The following TNFAIP8 variants were observed in gnomAD, a reference collection of about 807,000 sequenced individuals.
TNFAIP8 encodes TNF alpha induced protein 8.
A neutral mutation model predicts 13.3 loss-of-function variants in TNFAIP8; 7 were observed. That is an observed-to-expected ratio of 0.52 (90% confidence interval 0.30 to 0.99). The LOEUF (loss-of-function observed/expected upper bound fraction) is 0.99. TNFAIP8 is among the 50% of genes least tolerant of loss of function. The pLI, the probability that TNFAIP8 is intolerant of heterozygous loss-of-function variation, is 0.07. For missense variants in TNFAIP8, 258 were observed against 236.9 expected (o/e 1.09, Z -0.58); for synonymous variants, 94 against 87.6 (o/e 1.07, Z -0.41).
intron 1 of TNFAIP8, among the ~76,000 whole-genome samples, chr5:119,296,033 C>T (rs1749164448): frequency 6.7e-6 from 1 of 149,946 alleles, no homozygotes; most frequent in Non-Finnish European, 1.5e-5. Context: ...TGGGCTGAGA[C>T]AATGGGGTTT....
intron 1 of TNFAIP8, among the ~76,000 whole-genome samples, chr5:119,350,952 T>TTGTG (rs35633858): frequency 0.31 from 45,267 of 144,580 alleles, 7,544 homozygotes; most frequent in African/African-American, 0.44. Flanking sequence ...CTATGTGTAT[T>TTGTG]TGTGTGTGTG....
chr5:119,314,091 T>C (rs1749810736), intron 1 of TNFAIP8, among the ~76,000 whole-genome samples: 1 of 152,142 alleles, frequency 6.6e-6, no homozygotes. Context: ...CCCAGCTACT[T>C]GGGTGGCTGA....
intron 1 of TNFAIP8, among the ~76,000 whole-genome samples, chr5:119,278,372 A>T (rs1041836301): frequency 3.2e-5 from 4 of 124,912 alleles, no homozygotes; most frequent in African/African-American, 1.5e-4. Flanking sequence ...AGAGAGAGAG[A>T]GAGAGTGTGT....
chr5:119,391,577 T>C, intron 1 of TNFAIP8: 1 of 553,818 alleles, frequency 1.8e-6, no homozygotes, highest in Non-Finnish European at 3.3e-6. Flanking sequence ...CTGGCCAACA[T>C]GGTGAAACCC....
intron 1 of TNFAIP8, among the ~76,000 whole-genome samples, chr5:119,388,731 T>C (rs1752775923): frequency 6.6e-6 from 1 of 152,036 alleles, no homozygotes; most frequent in Non-Finnish European, 1.5e-5. Context: ...TCTGTAGCCT[T>C]GAACTCCTGG....
At chr5:119,355,853 G>A, upstream of TNFAIP8, 5 of 1,086,482 alleles carry the variant, frequency 4.6e-6, no homozygotes, top group Non-Finnish European at 4.5e-6. Context: ...GCCCGAGCGC[G>A]CGGCTCCGGG....
At chr5:119,372,961 AAAAAT>A (rs940683567) in intron 1 of TNFAIP8, among the ~76,000 whole-genome samples, 20 of 152,226 alleles carry the variant, frequency 1.3e-4, no homozygotes, top group African/African-American at 4.8e-4. Flanking sequence ...ACTCCATCTC[AAAAAT>A]AAAATAAATA....
chr5:119,392,071 G>T (rs1004563789), intron 1 of TNFAIP8, among the ~76,000 whole-genome samples: 6 of 152,198 alleles, frequency 3.9e-5, no homozygotes, highest in African/African-American at 1.4e-4. Flanking sequence ...GTGTAAAAAT[G>T]TAAAGTGAAC....
Position 119,397,583 on chromosome 5 carries a change from A to T in TNFAIP8, c.*4202A>T, listed in dbSNP as rs1394669437. The T allele has an allele frequency of 2.6e-5, 4 of 152,208 alleles. No individual in the cohort carries two copies. In the East Asian group the frequency reaches 7.7e-4, roughly 29 times the overall value. The allele number at this position is 152,208 out of a possible 1,614,324, so 9.4% of individuals were successfully genotyped here. A position where few individuals can be genotyped will look rare whatever the true frequency, so the allele number is the denominator to read the frequency against. ...GTTTTAGTACACAGTGCTGTTTATG[A>T]CAGAAAAAATTTTATCCTACCTCTG... On this transcript the variant is annotated 3_prime_UTR_variant, in exon 2 of 2. Coordinates refer to ENST00000504771, the MANE Select transcript of TNFAIP8 (RefSeq NM_014350.4).
chr5:119,288,345 G>T (rs996507676), intron 1 of TNFAIP8, among the ~76,000 whole-genome samples: 1 of 152,116 alleles, frequency 6.6e-6, no homozygotes, highest in South Asian at 2.1e-4. Flanking sequence ...GTGAAACAAA[G>T]GTGTACCTTG....
chr5:119,324,096 G>T (rs1200190966), intron 1 of TNFAIP8, among the ~76,000 whole-genome samples: 1 of 151,434 alleles, frequency 6.6e-6, no homozygotes, highest in Non-Finnish European at 1.5e-5. Flanking sequence ...GTTCAATGAT[G>T]AAACCCCATC....
chr5:119,311,474 A>G (rs538348197), intron 1 of TNFAIP8, among the ~76,000 whole-genome samples: 15 of 151,950 alleles, frequency 9.9e-5, no homozygotes, highest in Non-Finnish European at 1.9e-4. Flanking sequence ...GGTGGATCAC[A>G]AGGTCAGGAG....
At chr5:119,322,649 G>A (rs548848684) in intron 1 of TNFAIP8, among the ~76,000 whole-genome samples, 30 of 152,194 alleles carry the variant, frequency 2.0e-4, no homozygotes, top group African/African-American at 5.8e-4. Flanking sequence ...TTTCCTCCCC[G>A]TTTTCTCTGT....
intron 1 of TNFAIP8, among the ~76,000 whole-genome samples, chr5:119,358,327 G>T (rs1438894480): frequency 6.6e-6 from 1 of 152,134 alleles, no homozygotes; most frequent in African/African-American, 2.4e-5. Flanking sequence ...TTGCATATGC[G>T]TGAATGTAGA....
chr5:119,324,250 G>A (rs1750145127), intron 1 of TNFAIP8, among the ~76,000 whole-genome samples: 1 of 117,996 alleles, frequency 8.5e-6, no homozygotes, highest in African/African-American at 3.4e-5. Flanking sequence ...ACTCCAGCCT[G>A]AGCCACAAAG....
chr5:119,272,496 C>G (rs556436885), intron 1 of TNFAIP8, among the ~76,000 whole-genome samples: 43 of 152,192 alleles, frequency 2.8e-4, no homozygotes, highest in Non-Finnish European at 4.6e-4. Context: ...GAATGATATT[C>G]AAAATATTTG....
chr5:119,340,347 T>A (rs1443097126), intron 1 of TNFAIP8, among the ~76,000 whole-genome samples: 1 of 152,080 alleles, frequency 6.6e-6, no homozygotes, highest in Non-Finnish European at 1.5e-5. Context: ...CCCATGTGGG[T>A]CACAGAAATT....
chr5:119,328,286 T>C (rs2112701456), intron 1 of TNFAIP8, among the ~76,000 whole-genome samples: 1 of 152,282 alleles, frequency 6.6e-6, no homozygotes, highest in South Asian at 2.1e-4. Flanking sequence ...GTGCTGGGAT[T>C]ACAGGCATGA....
At chr5:119,277,427 G>T (rs1375914543) in intron 1 of TNFAIP8, among the ~76,000 whole-genome samples, 2 of 151,972 alleles carry the variant, frequency 1.3e-5, no homozygotes, top group Non-Finnish European at 2.9e-5. Context: ...TCAGCCTGAA[G>T]AATAAAAATT....
Sources: allele counts gnomAD v4.1 joint callset (sites outside exome capture counted in the v4.1 genomes callset), GRCh38; gene constraint gnomAD v4.1.1; transcripts MANE v1.5; gene names NCBI Gene and HGNC (gene_info 2026-07-23, HGNC 2026-07-21).